SLC4A5: variants seen among roughly 807,000 people sequenced by gnomAD.
SLC4A5 encodes solute carrier family 4 member 5.
In SLC4A5, 96 loss-of-function variants were observed where a neutral mutation model predicts 120.4. The ratio of observed to expected loss-of-function variants is 0.80; its 90% CI spans 0.68 to 0.94. The LOEUF (loss-of-function observed/expected upper bound fraction) is 0.94, where lower values mean the gene tolerates loss of function less well. Among genes scored for constraint, SLC4A5 ranks in the 40% least tolerant of loss-of-function variants. The pLI is 0.00. For synonymous variants in SLC4A5, 550 were observed against 571.1 expected (o/e 0.96, Z 0.53); for missense variants, 1,259 against 1,459.5 (o/e 0.86, Z 2.24).
Position 74,255,279 on chromosome 2 carries a change from C to G in SLC4A5, c.1025+496G>C, listed in dbSNP as rs906941652. Among the ~76,000 whole-genome samples, 1 of 152,096 alleles carries G rather than the reference C, an allele frequency of 6.6e-6. No homozygotes were observed. The highest frequency in any genetic ancestry group is 1.5e-5 in the Non-Finnish European group (1 of 68,022). ...TCTCTCCTAGTTGTTGCCTCCTTCT[C>G]TTTTATTATTTATTATTTTTATTTT... On this transcript the variant is annotated intron_variant, in intron 13 of 30. Coordinates refer to ENST00000394019, the Ensembl canonical transcript of SLC4A5. This position sits in a 1 kb window ranked among gnomAD's most constrained non-coding sequence, Gnocchi z 4.0.
In SLC4A5 at chr2:74,232,703, A is replaced by C. The variant is rs1340800776; in HGVS notation, c.2596-56T>G. The stretch of plus-strand genomic sequence containing the variant: ...TTTCTGGGGAGCCAGTTCCTCCTGG[A>C]TGCAACCATTCTGTGGAACATGGTT... On this transcript the variant is annotated intron_variant, in intron 23 of 30. Coordinates refer to ENST00000394019, the Ensembl canonical transcript of SLC4A5. The C allele has an allele frequency of 3.1e-6, 5 of 1,588,494 alleles. 1 individual carries two copies. In the East Asian group the frequency reaches 6.8e-5, roughly 22 times the overall value.
intron 27 of SLC4A5, among the ~76,000 whole-genome samples, chr2:74,226,433 T>C (rs1276685141): frequency 6.6e-6 from 1 of 152,198 alleles, no homozygotes; most frequent in African/African-American, 2.4e-5. Context: ...TTATACAATA[T>C]TTGCAAGAAT....
chr2:74,271,031 C>T (rs1671459528), intron 8 of SLC4A5, among the ~76,000 whole-genome samples: 1 of 152,192 alleles, frequency 6.6e-6, no homozygotes, highest in Non-Finnish European at 1.5e-5. Context: ...TCTACTACAC[C>T]AGTGTGCCTC....
At chr2:74,327,392 G>A (rs1232342582) in intron 5 of SLC4A5, among the ~76,000 whole-genome samples, 1 of 152,166 alleles carries the variant, frequency 6.6e-6, no homozygotes, top group African/African-American at 2.4e-5. Context: ...GAACTGAATC[G>A]ACAAGAATGA....
At chr2:74,244,853 T>C (rs906183311) in intron 19 of SLC4A5, among the ~76,000 whole-genome samples, 6 of 152,140 alleles carry the variant, frequency 3.9e-5, no homozygotes, top group South Asian at 2.1e-4. Flanking sequence ...ACCATGACAA[T>C]AGCATGACCC....
At chr2:74,241,945 C>T in intron 20 of SLC4A5, 49 bp downstream of exon 20, 1 of 1,564,412 alleles carries the variant, frequency 6.4e-7, no homozygotes, top group Non-Finnish European at 8.7e-7. Context: ...TCTCCCTCCT[C>T]CTACAAACAA....
intron 2 of SLC4A5, among the ~76,000 whole-genome samples, chr2:74,340,300 T>G (rs1673595393): frequency 6.6e-6 from 1 of 152,228 alleles, no homozygotes; most frequent in Non-Finnish European, 1.5e-5. Context: ...AGAGCTGTGT[T>G]GTATGAGCAA....
At position 74,274,945 on chromosome 2, in the gene SLC4A5, CATGAG is replaced by C. The variant is rs982045743; in HGVS notation, c.402-9686_402-9682del. Among the ~76,000 whole-genome samples, 4 of 152,340 alleles carry C rather than the reference CATGAG, an allele frequency of 2.6e-5. No homozygotes were observed. The South Asian group carries it at 6.2e-4, about 24-fold the overall frequency. ...CTTAGGATGATCTTTCATCTCTACT[CATGAG>C]ATATGTCTAGGACTAGGATCAGATT... On this transcript the variant is annotated intron_variant, in intron 8 of 30. Transcript: ENST00000394019.
At chr2:74,318,450 A>G (rs1293923960) in intron 5 of SLC4A5, among the ~76,000 whole-genome samples, 1 of 152,130 alleles carries the variant, frequency 6.6e-6, no homozygotes, top group African/African-American at 2.4e-5. Context: ...TTTGGGAGGC[A>G]GAGGTGGGGG....
At chr2:74,258,898 C>T (rs1243663810) in intron 12 of SLC4A5, among the ~76,000 whole-genome samples, 2 of 152,214 alleles carry the variant, frequency 1.3e-5, no homozygotes, top group African/African-American at 4.8e-5. Context: ...CTCCTGAAGG[C>T]TCCTCGCCAA....
intron 8 of SLC4A5, among the ~76,000 whole-genome samples, chr2:74,278,078 C>G (rs1158399902): frequency 6.6e-6 from 1 of 152,112 alleles, no homozygotes; most frequent in African/African-American, 2.4e-5. Flanking sequence ...TAAAAATATA[C>G]ATGAATAGGT....
At chr2:74,312,929 C>T (rs1411732461) in intron 6 of SLC4A5, among the ~76,000 whole-genome samples, 1 of 151,800 alleles carries the variant, frequency 6.6e-6, no homozygotes, top group African/African-American at 2.4e-5. Flanking sequence ...AACACTTCAT[C>T]TCTAAATAAA....
intron 28 of SLC4A5, among the ~76,000 whole-genome samples, chr2:74,224,477 C>T (rs1004226181): frequency 6.6e-6 from 1 of 152,188 alleles, no homozygotes; most frequent in African/African-American, 2.4e-5. Flanking sequence ...CTGCTCCACT[C>T]TTTGGAGGTC....
chr2:74,237,859 T>G (rs1670316549), intron 21 of SLC4A5, among the ~76,000 whole-genome samples: 1 of 152,126 alleles, frequency 6.6e-6, no homozygotes, highest in African/African-American at 2.4e-5. Context: ...CCCAGCACTT[T>G]GGGAGGCTGA....
At chr2:74,252,322 A>C in exon 16 of SLC4A5, 1 of 1,613,282 alleles carries the variant, frequency 6.2e-7, no homozygotes, top group Non-Finnish European at 8.5e-7. Flanking sequence ...CTCCTCCAGG[A>C]GCTCCGCCGC....
exon 31 of SLC4A5, chr2:74,218,460 A>G: frequency 6.6e-6 from 1 of 152,310 alleles, no homozygotes; most frequent in Middle Eastern, 3.4e-3. Context: ...CAAAGGGGAG[A>G]GCTTTGCATC....
At chr2:74,303,069 T>G (rs1356096921) in intron 7 of SLC4A5, among the ~76,000 whole-genome samples, 1 of 151,078 alleles carries the variant, frequency 6.6e-6, no homozygotes. Flanking sequence ...TTTTTTTGTG[T>G]GTGTGTGGTG....
chr2:74,297,565 A>G (rs536469696), intron 7 of SLC4A5, among the ~76,000 whole-genome samples: 1 of 152,328 alleles, frequency 6.6e-6, no homozygotes, highest in South Asian at 2.1e-4. Flanking sequence ...TTAGCAGCCT[A>G]GAAAAGTGGA....
chr2:74,247,187 G>A (rs759680827), exon 19 of SLC4A5: 30 of 1,614,064 alleles, frequency 1.9e-5, no homozygotes, highest in Admixed American at 6.7e-5. Context: ...AGCCCTCCTC[G>A]GTGAAGCGGG....
Sources: gnomAD v4.1 joint callset for allele counts (sites outside exome capture counted in the v4.1 genomes callset) on GRCh38, gnomAD v4.1.1 for gene constraint, Gnocchi (gnomAD v3.1) non-coding constraint, MANE v1.5 for transcripts, NCBI Gene and HGNC (gene_info 2026-07-23, HGNC 2026-07-21) for gene names.